Variants in KDM4B observed in about 807,000 individuals in gnomAD.
The protein encoded by KDM4B is lysine demethylase 4B.
In KDM4B, 32 loss-of-function variants were observed where a neutral mutation model predicts 125.2. That is an observed-to-expected ratio of 0.26 (90% CI 0.19 to 0.34). KDM4B has a LOEUF of 0.34. Among genes scored for constraint, KDM4B ranks in the 10% least tolerant of loss-of-function variants. KDM4B has a pLI of 1.00. For missense variants in KDM4B, 1,190 were observed against 1,577.7 expected, an observed-to-expected ratio of 0.75 and a Z score of 4.16; for synonymous variants, 721 against 677.9, an observed-to-expected ratio of 1.06 and a Z score of -0.99.
chr19:5,072,180 T>TC (rs1359716081), intron 7 of KDM4B, among the ~76,000 whole-genome samples: 1 of 152,144 alleles, frequency 6.6e-6, no homozygotes, highest in Non-Finnish European at 1.5e-5. Flanking sequence ...CGCCACATGC[T>TC]CTCTTCCCCC....
At chr19:4,981,017 C>T (rs1277812450) in intron 1 of KDM4B, among the ~76,000 whole-genome samples, 1 of 152,066 alleles carries the variant, frequency 6.6e-6, no homozygotes, top group Non-Finnish European at 1.5e-5. Flanking sequence ...GCCCGGCGGG[C>T]CTGCAGGGGT....
chr19:4,986,463 T>C (rs907701579), intron 1 of KDM4B, among the ~76,000 whole-genome samples: 19 of 152,188 alleles, frequency 1.2e-4, no homozygotes, highest in South Asian at 2.1e-4. Context: ...CTGACTCTGC[T>C]GTCCCTGATA....
Position 5,119,722 on chromosome 19 carries a change from G to C in KDM4B, c.1185G>C (p.Thr395=), listed in dbSNP as rs775548410. 6.4e-7 allele frequency: 1 copy of C among 1,551,704 alleles called. No homozygotes were observed. Among genetic ancestry groups the C allele is most frequent in the South Asian group, 1.2e-5 (1 of 84,188 alleles). The part of the protein sequence containing the change: ...PEDPKFPGEG[T]AGAALLEEAG... Reference sequence around the variant, plus strand: ...ACCCCAAGTTCCCTGGGGAGGGTACGGCTGGGGCAGCGCTCCTAGAGGAGG... The same window carrying C: ...ACCCCAAGTTCCCTGGGGAGGGTACCGCTGGGGCAGCGCTCCTAGAGGAGG... Residue 395 remains threonine, a synonymous_variant, in exon 11 of 23, where the codon ACG becomes ACC. Transcript: ENST00000159111.
chr19:5,130,172 C>T (rs1225923596), intron 11 of KDM4B, among the ~76,000 whole-genome samples: 2 of 152,174 alleles, frequency 1.3e-5, no homozygotes, highest in Non-Finnish European at 1.5e-5. Flanking sequence ...GACATCGGGC[C>T]TCTTGGATCA....
At chr19:5,065,202 C>G (rs2620807) in intron 6 of KDM4B, among the ~76,000 whole-genome samples, 61,492 of 152,070 alleles carry the variant, frequency 0.4, 13,201 homozygotes, top group East Asian at 0.69. Context: ...CATGGAGCCA[C>G]ATGTGGGCCC....
Position 4,969,788 on chromosome 19 carries a change from T to C in KDM4B, c.-109+558T>C, listed in dbSNP as rs576051278. Among the ~76,000 whole-genome samples the C allele has an allele frequency of 8.6e-4, 127 of 148,402 alleles. 1 individual carries two copies. Among genetic ancestry groups the C allele is most frequent in the African/African-American group, 2.7e-3 (108 of 39,738 alleles). ...TAAATGCCTATCATTGCTCCTGCAC[T>C]GCCCCCACCTCCGGTCAACCTGCTA... On this transcript the variant is annotated intron_variant, in intron 1 of 22. Coordinates refer to ENST00000159111, the MANE Select transcript of KDM4B (RefSeq NM_015015.3).
At chr19:5,133,797 C>G (rs2039600044) in intron 13 of KDM4B, 86 bp from the exon 14 acceptor site, 1 of 1,416,166 alleles carries the variant, frequency 7.1e-7, no homozygotes, top group African/African-American at 1.4e-5. Context: ...AGACCCGGGG[C>G]CATCCCCTGG....
intron 10 of KDM4B, chr19:5,111,939 T>A (rs1205629671): frequency 1.5e-6 from 1 of 686,614 alleles, no homozygotes; most frequent in Non-Finnish European, 2.7e-6. Flanking sequence ...ACGATAATTT[T>A]TCTGTTTTGA....
chr19:5,038,933 C>G (rs1468521562), intron 3 of KDM4B, among the ~76,000 whole-genome samples: 1 of 152,260 alleles, frequency 6.6e-6, no homozygotes, highest in Non-Finnish European at 1.5e-5. Flanking sequence ...GGATCTGTTT[C>G]CCAGTGTTTC....
chr19:5,094,503 G>A (rs1320765054), intron 9 of KDM4B, among the ~76,000 whole-genome samples: 2 of 152,368 alleles, frequency 1.3e-5, no homozygotes, highest in South Asian at 2.1e-4. Context: ...GGAGAGATGG[G>A]GCAGGGAGCC....
chr19:5,058,057 G>A (rs1255395096), intron 6 of KDM4B, among the ~76,000 whole-genome samples: 1 of 152,256 alleles, frequency 6.6e-6, no homozygotes, highest in Non-Finnish European at 1.5e-5. Flanking sequence ...TCATTGGCCA[G>A]CACCCAGTCA....
intron 6 of KDM4B, among the ~76,000 whole-genome samples, chr19:5,065,279 C>T (rs2613764): frequency 6.6e-6 from 1 of 152,250 alleles, no homozygotes; most frequent in African/African-American, 2.4e-5. Context: ...CCAAGCCCGT[C>T]TGCTCACCGT....
rs747678019 is a variant in KDM4B at position 5,144,184 on chromosome 19, C to T, written c.2736+32C>T. 28 of 1,590,170 alleles carry T rather than the reference C, an allele frequency of 1.8e-5. No individual in the cohort carries two copies. The South Asian group carries it at 2.1e-4, about 12-fold the overall frequency. On this transcript the variant is annotated intron_variant, in intron 19 of 22. Coordinates refer to ENST00000159111, the MANE Select transcript of KDM4B (RefSeq NM_015015.3). ...GCCTGCCCGCCTCCTTGCCCCCAGCCCCTGGCTCCCGCCCCCACCGACACC... is the reference window on the plus strand; with the variant it reads ...GCCTGCCCGCCTCCTTGCCCCCAGCTCCTGGCTCCCGCCCCCACCGACACC...
In KDM4B at chr19:5,106,450, CTCCTG is replaced by C. The variant is rs1237852212; in HGVS notation, c.919-4171_919-4167del. 2.0e-5 allele frequency among the ~76,000 whole-genome samples: 3 copies of C among 152,196 alleles called. No individual in the cohort carries two copies. In the East Asian group the frequency reaches 5.8e-4, roughly 29 times the overall value. On this transcript the variant is annotated intron_variant, in intron 9 of 22. Transcript: ENST00000159111. Reference sequence around the variant, plus strand: ...GAGCTGCTCAGCTCCTCCTTGCATCCTCCTGAGGCCGCCAGGGTCTGCTCCATGCT... The same window carrying C: ...GAGCTGCTCAGCTCCTCCTTGCATCCAGGCCGCCAGGGTCTGCTCCATGCT...
intron 6 of KDM4B, among the ~76,000 whole-genome samples, chr19:5,069,231 C>G (rs1422098983): frequency 2.6e-5 from 4 of 152,186 alleles, no homozygotes; most frequent in Non-Finnish European, 5.9e-5. Flanking sequence ...TTATTTGTGT[C>G]CTGTTAGATT....
chr19:5,046,517 G>A (rs903538811), intron 5 of KDM4B, among the ~76,000 whole-genome samples: 1 of 152,230 alleles, frequency 6.6e-6, no homozygotes, highest in Non-Finnish European at 1.5e-5. Context: ...GATTCAGGCT[G>A]TGAGAGCAGC....
intron 7 of KDM4B, among the ~76,000 whole-genome samples, chr19:5,073,526 A>G (rs1404242393): frequency 1.3e-5 from 2 of 152,208 alleles, no homozygotes; most frequent in Admixed American, 6.5e-5. Flanking sequence ...AACTGAGACT[A>G]CAGTTAGCCA....
chr19:4,970,716 G>C (rs977096096), intron 1 of KDM4B, among the ~76,000 whole-genome samples: 1 of 99,944 alleles, frequency 1.0e-5, no homozygotes, highest in Non-Finnish European at 2.6e-5. Flanking sequence ...CAACACACGG[G>C]GTCAGCCTTC....
intron 6 of KDM4B, among the ~76,000 whole-genome samples, chr19:5,065,212 C>T (rs962499706): frequency 1.3e-4 from 20 of 152,292 alleles, no homozygotes; most frequent in Middle Eastern, 3.4e-3. Flanking sequence ...CATGTGGGCC[C>T]GCCTCAGGCT....
Sources: gnomAD v4.1 joint callset for allele counts (sites outside exome capture counted in the v4.1 genomes callset) on GRCh38, gnomAD v4.1.1 for gene constraint, MANE v1.5 for transcripts, NCBI Gene and HGNC (gene_info 2026-07-23, HGNC 2026-07-21) for gene names.